The following GRM7 variants were observed in gnomAD, a reference collection of about 807,000 sequenced individuals.
GRM7 encodes the protein glutamate metabotropic receptor 7.
GRM7 carries 35 observed loss-of-function variants against 84.5 expected under a neutral mutation model. That is an observed-to-expected ratio of 0.41 (90% CI 0.32 to 0.55). The LOEUF is 0.55. Ranked by LOEUF, GRM7 falls within the 20% of genes least tolerant of loss-of-function variation. The pLI is 0.19. For missense variants in GRM7, 1,003 were observed against 1,194.6 expected (o/e 0.84, Z 2.36); for synonymous variants, 487 against 455.1 (o/e 1.07, Z -0.89).
chr3:7,204,497 A>G (rs1468717458), intron 2 of GRM7, among the ~76,000 whole-genome samples: 1 of 152,052 alleles, frequency 6.6e-6, no homozygotes, highest in African/African-American at 2.4e-5. Flanking sequence ...TCCATTGTGG[A>G]CAAAGGGAAA....
chr3:7,469,923 AT>A (rs1303511532), intron 7 of GRM7, among the ~76,000 whole-genome samples: 1 of 152,216 alleles, frequency 6.6e-6, no homozygotes, highest in African/African-American at 2.4e-5. Flanking sequence ...TCAAAAATTA[AT>A]TACTTGCCAA....
At chr3:7,397,213 T>C (rs1320138736) in intron 4 of GRM7, among the ~76,000 whole-genome samples, 1 of 152,184 alleles carries the variant, frequency 6.6e-6, no homozygotes, top group Non-Finnish European at 1.5e-5. Context: ...GTTTATCATA[T>C]TGAAATTTTG....
intron 1 of GRM7, among the ~76,000 whole-genome samples, chr3:6,953,322 C>T (rs1692870473): frequency 6.6e-6 from 1 of 152,214 alleles, no homozygotes; most frequent in South Asian, 2.1e-4. Flanking sequence ...CTTCAACTCA[C>T]ATGCCTTGGC....
intron 4 of GRM7, among the ~76,000 whole-genome samples, chr3:7,328,876 A>C (rs2125063262): frequency 6.6e-6 from 1 of 152,042 alleles, no homozygotes; most frequent in Admixed American, 6.5e-5. Flanking sequence ...CATGGTGATG[A>C]GTATATGTGG....
At chr3:6,920,007 T>C (rs1350455087) in intron 1 of GRM7, among the ~76,000 whole-genome samples, 1 of 150,754 alleles carries the variant, frequency 6.6e-6, no homozygotes, top group Non-Finnish European at 1.5e-5. Flanking sequence ...TAAAGTTGAA[T>C]ATAACACAGT....
At chr3:7,646,807 C>T (rs915832838) in intron 8 of GRM7, among the ~76,000 whole-genome samples, 2 of 152,082 alleles carry the variant, frequency 1.3e-5, no homozygotes, top group African/African-American at 4.8e-5. Flanking sequence ...GCCAAAAAAC[C>T]CTTTCCTAGT....
intron 1 of GRM7, among the ~76,000 whole-genome samples, chr3:7,103,790 CTTTCTTTCTTTCTT>C (rs1559443489): frequency 2.7e-5 from 3 of 111,494 alleles, no homozygotes; most frequent in African/African-American, 1.5e-4. Flanking sequence ...TTCTTTCTTT[CTTTCTTTCTTTCTT>C]TCTTTCTTTC....
chr3:6,933,551 A>C (rs1697582601), intron 1 of GRM7, among the ~76,000 whole-genome samples: 1 of 152,210 alleles, frequency 6.6e-6, no homozygotes, highest in Non-Finnish European at 1.5e-5. Flanking sequence ...CATTGATATA[A>C]AATGCAACTT....
intron 7 of GRM7, among the ~76,000 whole-genome samples, chr3:7,491,217 A>G (rs1699505274): frequency 6.6e-6 from 1 of 152,034 alleles, no homozygotes; most frequent in Admixed American, 6.6e-5. Context: ...AAAATGTATC[A>G]AATGAGCAAA....
chr3:7,441,761 C>T (rs1697298253), intron 5 of GRM7, among the ~76,000 whole-genome samples: 1 of 152,062 alleles, frequency 6.6e-6, no homozygotes, highest in Admixed American at 6.6e-5. Context: ...TCATTTTTGT[C>T]ACCTTTGTCA....
intron 1 of GRM7, among the ~76,000 whole-genome samples, chr3:7,022,366 T>G (rs6774853): frequency 4.0e-3 from 183 of 46,308 alleles, no homozygotes; most frequent in African/African-American, 0.024. Context: ...TACACACACA[T>G]GCACACACAC....
intron 2 of GRM7, among the ~76,000 whole-genome samples, chr3:7,208,821 T>C (rs892265008): frequency 1.7e-4 from 26 of 152,208 alleles, no homozygotes; most frequent in Non-Finnish European, 7.4e-5. Flanking sequence ...GAACACCTAA[T>C]ATGATCCTGG....
chr3:6,962,231 G>A (rs910948044), intron 1 of GRM7, among the ~76,000 whole-genome samples: 8 of 152,044 alleles, frequency 5.3e-5, no homozygotes, highest in Non-Finnish European at 8.8e-5. Flanking sequence ...TTTTGTCCCC[G>A]CACTTGCATA....
intron 1 of GRM7, among the ~76,000 whole-genome samples, chr3:7,099,219 TAATACATGTATTATACATGTATATATG>T (rs149573225): frequency 0.082 from 11,249 of 137,616 alleles, 2,969 homozygotes; most frequent in African/African-American, 0.24. Flanking sequence ...TTGCATATAA[TAATACATGTATTATACATGTATATATG>T]AATACATGTA....
chr3:7,005,714 G>T (rs1413904289), intron 1 of GRM7, among the ~76,000 whole-genome samples: 1 of 152,044 alleles, frequency 6.6e-6, no homozygotes, highest in African/African-American at 2.4e-5. Context: ...AAAAATCCAG[G>T]CTTACTTCAG....
At chr3:7,171,267 C>T (rs1479340131) in intron 2 of GRM7, among the ~76,000 whole-genome samples, 10 of 152,098 alleles carry the variant, frequency 6.6e-5, no homozygotes, top group Non-Finnish European at 2.9e-5. Context: ...CTTCCCTCTG[C>T]TTGTCTGTGT....
At chr3:7,158,752 A>G (rs992911300) in intron 2 of GRM7, among the ~76,000 whole-genome samples, 85 of 152,340 alleles carry the variant, frequency 5.6e-4, no homozygotes, top group African/African-American at 1.9e-3. Context: ...TCTCCAGTCC[A>G]TAAATCTACT....
chr3:6,915,912 T>A (rs1285149139), intron 1 of GRM7, among the ~76,000 whole-genome samples: 1 of 152,218 alleles, frequency 6.6e-6, no homozygotes, highest in Non-Finnish European at 1.5e-5. Flanking sequence ...AGCTTCAGCC[T>A]ATGTGGATAA....
Position 7,333,387 on chromosome 3 carries a change from A to G in GRM7, c.1033+26735A>G, listed in dbSNP as rs890028928. ...AGGGCTAGCCCCCAGAAGGGCAATAAAAATCACTGCAGTCTGCCTCTTAAG... is the reference window on the plus strand; with the variant it reads ...AGGGCTAGCCCCCAGAAGGGCAATAGAAATCACTGCAGTCTGCCTCTTAAG... On this transcript the variant is annotated intron_variant, in intron 4 of 9. Coordinates refer to ENST00000357716, the MANE Select transcript of GRM7 (RefSeq NM_000844.4). Among the ~76,000 whole-genome samples the G allele has an allele frequency of 1.4e-4, 21 of 152,186 alleles. 1 individual carries two copies. Among genetic ancestry groups the G allele is most frequent in the Non-Finnish European group, 2.6e-4 (18 of 68,032 alleles).
Sources: allele counts gnomAD v4.1 joint callset (sites outside exome capture counted in the v4.1 genomes callset), GRCh38; gene constraint gnomAD v4.1.1; transcripts MANE v1.5; gene names NCBI Gene and HGNC (gene_info 2026-07-23, HGNC 2026-07-21).